The following RCSD1 variants were observed in gnomAD, a reference collection of about 807,000 sequenced individuals.
RCSD1 encodes capZ-interacting protein.
RCSD1 carries 26 observed loss-of-function variants against 42.5 expected under a neutral mutation model. The observed-to-expected ratio is 0.61, with a 90% confidence interval of 0.45 to 0.85. The LOEUF is 0.85. Among genes scored for constraint, RCSD1 ranks in the 40% least tolerant of loss-of-function variants. RCSD1 has a pLI of 0.00. For synonymous variants in RCSD1, 220 were observed against 212.2 expected, an observed-to-expected ratio of 1.04 and a Z score of -0.32; for missense variants, 571 against 528.3, an observed-to-expected ratio of 1.08 and a Z score of -0.79.
intron 1 of RCSD1, among the ~76,000 whole-genome samples, chr1:167,674,387 C>G (rs1217383725): frequency 6.6e-6 from 1 of 152,186 alleles, no homozygotes; most frequent in Non-Finnish European, 1.5e-5. Context: ...GGAAGTAAAG[C>G]CAATTTCCCT....
intron 1 of RCSD1, chr1:167,664,194 C>T (rs533377421): frequency 6.6e-6 from 1 of 152,412 alleles, no homozygotes; most frequent in South Asian, 2.1e-4. Flanking sequence ...CAAACCTGGT[C>T]TTGCCAAGCT....
intron 1 of RCSD1, among the ~76,000 whole-genome samples, chr1:167,676,574 C>G (rs1042236692): frequency 2.6e-5 from 4 of 152,092 alleles, no homozygotes; most frequent in Non-Finnish European, 5.9e-5. Context: ...GCTTGTACAA[C>G]AGTTGGCACA....
chr1:167,687,687 G>A (rs1328341414), intron 3 of RCSD1, among the ~76,000 whole-genome samples: 1 of 152,206 alleles, frequency 6.6e-6, no homozygotes, highest in Non-Finnish European at 1.5e-5. Context: ...CTGCAGGGAG[G>A]GACCCGGTCA....
At chr1:167,696,301 G>A (rs898285763) in intron 5 of RCSD1, among the ~76,000 whole-genome samples, 1 of 151,878 alleles carries the variant, frequency 6.6e-6, no homozygotes, top group Non-Finnish European at 1.5e-5. Context: ...TACTGGATAG[G>A]AAGCATTTTG....
chr1:167,698,963 C>A lies in RCSD1; in HGVS notation c.1218+1121C>A, dbSNP rs1233653284. Reference sequence around the variant, plus strand: ...CACAGGCGCCCGCCACCACGCCCGGCTAATTTTTTGTATTTTTAGTGGAGA... The same window carrying A: ...CACAGGCGCCCGCCACCACGCCCGGATAATTTTTTGTATTTTTAGTGGAGA... On this transcript the variant is annotated intron_variant, in intron 6 of 6. Coordinates refer to ENST00000367854, the MANE Select transcript of RCSD1 (RefSeq NM_052862.4). 2.6e-5 allele frequency among the ~76,000 whole-genome samples: 4 copies of A among 152,104 alleles called. No homozygotes were observed. In the East Asian group the frequency reaches 7.7e-4, roughly 29 times the overall value.
chr1:167,676,629 T>A (rs1658958612), intron 1 of RCSD1, among the ~76,000 whole-genome samples: 1 of 152,298 alleles, frequency 6.6e-6, no homozygotes, highest in Admixed American at 6.5e-5. Context: ...ATTACACTGA[T>A]AAAATCCTGT....
At chr1:167,661,806 A>G (rs761362968) in intron 1 of RCSD1, among the ~76,000 whole-genome samples, 2 of 152,208 alleles carry the variant, frequency 1.3e-5, no homozygotes, top group Non-Finnish European at 2.9e-5. Context: ...GATAGTACAG[A>G]TGCTGATGGG....
At chr1:167,696,847 GT>G (rs1447144306) in intron 5 of RCSD1, among the ~76,000 whole-genome samples, 1 of 152,058 alleles carries the variant, frequency 6.6e-6, no homozygotes, top group African/African-American at 2.4e-5. Flanking sequence ...TTTTGTTTTT[GT>G]TTTTTACTGA....
chr1:167,662,558 C>A (rs1468174608), intron 1 of RCSD1, among the ~76,000 whole-genome samples: 1 of 152,196 alleles, frequency 6.6e-6, no homozygotes, highest in Non-Finnish European at 1.5e-5. Flanking sequence ...TGCTTGTGGA[C>A]ACCTCCTAGG....
chr1:167,652,018 CTTTTTTTT>C (rs66622527), intron 1 of RCSD1, among the ~76,000 whole-genome samples: 1 of 108,106 alleles, frequency 9.3e-6, no homozygotes, highest in African/African-American at 3.7e-5. Flanking sequence ...CTCTGTTCAT[CTTTTTTTT>C]TTTTTTTTTT....
chr1:167,704,785 C>T lies in RCSD1; in HGVS notation c.*89C>T. The T allele has an allele frequency of 3.8e-6, 5 of 1,326,056 alleles. No individual in the cohort carries two copies. Among genetic ancestry groups the T allele is most frequent in the South Asian group, 1.2e-5 (1 of 83,258 alleles). The allele number at this position is 1,326,056 out of a possible 1,614,324, so 82.1% of individuals were successfully genotyped here. On this transcript the variant is annotated 3_prime_UTR_variant, in exon 7 of 7. Transcript: ENST00000367854. ...CAGTTGTAGCAGCAGCAGACGAAGC[C>T]ATTGCAGAGGCAGAATATGCTGAGT...
chr1:167,675,646 C>A (rs1180335947), intron 1 of RCSD1, among the ~76,000 whole-genome samples: 2 of 152,118 alleles, frequency 1.3e-5, no homozygotes, highest in Non-Finnish European at 2.9e-5. Flanking sequence ...ATTCAAAACC[C>A]TTGTCGTGAC....
intron 1 of RCSD1, among the ~76,000 whole-genome samples, chr1:167,666,022 G>A (rs1180439000): frequency 6.6e-6 from 1 of 152,184 alleles, no homozygotes; most frequent in Non-Finnish European, 1.5e-5. Flanking sequence ...ATGTTTGCCA[G>A]GCTGTTCTCA....
At position 167,708,594 on chromosome 1, in the gene RCSD1, T is replaced by C. The variant is rs1659814351; in HGVS notation, c.*3898T>C. Among the ~76,000 whole-genome samples the C allele has an allele frequency of 6.6e-6, 1 of 152,218 alleles. No individual in the cohort carries two copies. The highest frequency in any genetic ancestry group is 1.9e-4 in the East Asian group (1 of 5,194). Reference sequence around the variant, plus strand: ...AATAATGTATTACTGTGCCCAGAGCTAACCTGTAGCTCTAGGGGAGTACAA... The same window carrying C: ...AATAATGTATTACTGTGCCCAGAGCCAACCTGTAGCTCTAGGGGAGTACAA... On this transcript the variant is annotated 3_prime_UTR_variant, in exon 7 of 7. Coordinates refer to ENST00000367854, the MANE Select transcript of RCSD1 (RefSeq NM_052862.4).
chr1:167,670,357 G>GAAAAAAAAA (rs58634704), intron 1 of RCSD1, among the ~76,000 whole-genome samples: 1 of 132,352 alleles, frequency 7.6e-6, no homozygotes. Flanking sequence ...CTTTGCAAAA[G>GAAAAAAAAA]AAAAAAAAAA....
At chr1:167,672,142 A>G (rs72697715) in intron 1 of RCSD1, among the ~76,000 whole-genome samples, 8,136 of 151,866 alleles carry the variant, frequency 0.054, 295 homozygotes, top group Non-Finnish European at 0.085. Flanking sequence ...GGAGGCTGAC[A>G]CTCTCCATAT....
Position 167,684,014 on chromosome 1 carries a change from G to T in RCSD1, c.108+13G>T, listed in dbSNP as rs760793443. Reference sequence around the variant, plus strand: ...TGCAGCCAAGGAGGTGAGTCAGGCCGCTTCAGAGCAGCCTCTTCAGCAGCG... The same window carrying T: ...TGCAGCCAAGGAGGTGAGTCAGGCCTCTTCAGAGCAGCCTCTTCAGCAGCG... On this transcript the variant is annotated intron_variant, in intron 2 of 6. Transcript: ENST00000367854. 1.2e-6 allele frequency: 2 copies of T among 1,603,822 alleles called. No individual in the cohort carries two copies. Among genetic ancestry groups the T allele is most frequent in the East Asian group, 4.5e-5 (2 of 44,828 alleles).
rs1445813753 is a variant in RCSD1, at chr1:167,650,058, G to A, written c.6+19629G>A. Reference sequence around the variant, plus strand: ...CTGGACCAAATCCCATCACTAAATTGCTGTGGGATCTTGAATCAGTGGCAC... The same window carrying A: ...CTGGACCAAATCCCATCACTAAATTACTGTGGGATCTTGAATCAGTGGCAC... On this transcript the variant is annotated intron_variant, in intron 1 of 6. Transcript: ENST00000367854. 1.3e-5 allele frequency among the ~76,000 whole-genome samples: 2 copies of A among 152,218 alleles called. 1 individual carries two copies. The highest frequency in any genetic ancestry group is 4.1e-4 in the South Asian group (2 of 4,834).
intron 1 of RCSD1, among the ~76,000 whole-genome samples, chr1:167,679,377 G>T (rs1349088487): frequency 6.6e-6 from 1 of 152,222 alleles, no homozygotes; most frequent in Non-Finnish European, 1.5e-5. Context: ...TCCCAGTCCA[G>T]AACCCTTTCC....
Sources: allele counts gnomAD v4.1 joint callset (sites outside exome capture counted in the v4.1 genomes callset), GRCh38; gene constraint gnomAD v4.1.1; transcripts MANE v1.5; gene names NCBI Gene and HGNC (gene_info 2026-07-23, HGNC 2026-07-21).